The following COL5A3 variants were observed in gnomAD, a reference collection of about 807,000 sequenced individuals.
COL5A3 encodes collagen type V alpha 3 chain.
COL5A3 carries 172 observed loss-of-function variants against 250.0 expected under a neutral mutation model. The observed-to-expected ratio is 0.69, with a 90% CI of 0.61 to 0.78. The LOEUF (loss-of-function observed/expected upper bound fraction) is 0.78, where lower values mean the gene tolerates loss of function less well. Ranked by LOEUF, COL5A3 falls within the 30% of genes least tolerant of loss-of-function variation. The pLI, the probability that COL5A3 is intolerant of heterozygous loss-of-function variation, is 0.00. For missense variants in COL5A3, 2,340 were observed against 2,334.4 expected, an observed-to-expected ratio of 1.00 and a Z score of -0.05; for synonymous variants, 937 against 900.4, an observed-to-expected ratio of 1.04 and a Z score of -0.73.
rs532872544 is a variant in COL5A3, at chr19:9,968,336, C to T, written c.4314+49G>A. The T allele has an allele frequency of 1.9e-5, 28 of 1,455,536 alleles. No individual in the cohort carries two copies. Among genetic ancestry groups the T allele is most frequent in the Middle Eastern group, 1.9e-4 (1 of 5,314 alleles). 90.2% of individuals were successfully genotyped at this position (1,455,536 alleles called of 1,614,324 possible). On this transcript the variant is annotated intron_variant, in intron 59 of 66. Coordinates refer to ENST00000264828, the MANE Select transcript of COL5A3 (RefSeq NM_015719.4). The surrounding 1 kb of genome is among the most constrained non-coding windows in gnomAD (Gnocchi z 4.1). The stretch of plus-strand genomic sequence containing the variant: ...GACCCCACACCCACAGTCTCTCAAC[C>T]GACCCCCTCCTTCAAATGCATTCTT...
intron 61 of COL5A3, 85 bp from the exon 62 acceptor site, chr19:9,967,485 A>T: frequency 6.7e-6 from 6 of 890,114 alleles, no homozygotes; most frequent in Non-Finnish European, 1.0e-5. Context: ...ACACACACTC[A>T]CACACACACT....
chr19:9,967,274 G>C, intron 62 of COL5A3, 73 bp downstream of exon 62: 1 of 1,159,538 alleles, frequency 8.6e-7, no homozygotes, highest in African/African-American at 1.6e-5. Context: ...GGACCCTCTG[G>C]GGACACCCAG....
chr19:10,000,627 A>T (rs929013408), intron 8 of COL5A3, among the ~76,000 whole-genome samples: 2 of 151,608 alleles, frequency 1.3e-5, no homozygotes, highest in African/African-American at 2.4e-5. Context: ...TCCAAGTCAG[A>T]TCATGTTCCT....
intron 10 of COL5A3, 132 bp downstream of exon 10, chr19:9,997,852 C>G: frequency 1.1e-6 from 1 of 899,166 alleles, no homozygotes; most frequent in Non-Finnish European, 1.8e-6. Context: ...TTGACTCACC[C>G]TTTAAGCCTC....
At chr19:9,983,013 G>A (rs972531125) in intron 31 of COL5A3, among the ~76,000 whole-genome samples, 1 of 151,916 alleles carries the variant, frequency 6.6e-6, no homozygotes, top group African/African-American at 2.4e-5. Context: ...ACGCCACCAT[G>A]TCCAGCTAAT....
rs10406577 is a variant in COL5A3 at position 9,969,560 on chromosome 19, C to T, written c.4098+15G>A. ...CTGGATCCACCCTGTCCCACCCCTG[C>T]CCCGCTCCACTCACCACAGGGCCAG... On this transcript the variant is annotated intron_variant, in intron 56 of 66. Coordinates refer to ENST00000264828, the MANE Select transcript of COL5A3 (RefSeq NM_015719.4). The T allele has an allele frequency of 0.074, 119,243 of 1,609,128 alleles. 4,956 individuals carry two copies. The highest frequency in any genetic ancestry group is 0.15 in the African/African-American group (11,565 of 74,828).
chr19:9,968,474 C>T lies in COL5A3; in HGVS notation c.4225G>A (p.Gly1409Ser). The change falls in exon 59 of 67, where the codon GGT becomes AGT. Residue 1409 changes from glycine (G) to serine (S), a missense_variant. By Grantham distance (56) the Gly-to-Ser change is moderately conservative. Transcript: ENST00000264828. The surrounding 1 kb of genome is among the most constrained non-coding windows in gnomAD (Gnocchi z 4.1). ...KGEKGHIGLI[G>S]LIGPPGEAGE... Reference sequence around the variant, plus strand: ...GCTTCTCCCGGGGGGCCAATGAGACCGATCAATCCAATGTGGCCCTGAAGG... The same window carrying T: ...GCTTCTCCCGGGGGGCCAATGAGACTGATCAATCCAATGTGGCCCTGAAGG... 3.8e-6 allele frequency: 6 copies of T among 1,586,412 alleles called. No individual in the cohort carries two copies. The highest frequency in any genetic ancestry group is 5.1e-6 in the Non-Finnish European group (6 of 1,172,678).
In COL5A3 at chr19:10,009,865, G is replaced by A. The variant is rs947901936; in HGVS notation, c.88+433C>T. Among the ~76,000 whole-genome samples, 1 of 151,854 alleles carries A rather than the reference G, an allele frequency of 6.6e-6. No homozygotes were observed. The highest frequency in any genetic ancestry group is 2.4e-5 in the African/African-American group (1 of 41,316). On this transcript the variant is annotated intron_variant, in intron 1 of 66. Coordinates refer to ENST00000264828, the MANE Select transcript of COL5A3 (RefSeq NM_015719.4). The surrounding 1 kb of genome is among the most constrained non-coding windows in gnomAD (Gnocchi z 4.4). ...AATCACACGCATAACCACTCACACG[G>A]TTACCCTCGAAAATCAGCACATAGA...
chr19:9,968,275 A>C lies in COL5A3; in HGVS notation c.4314+110T>G, dbSNP rs1599529979. 1.0e-5 allele frequency: 11 copies of C among 1,052,722 alleles called. No homozygotes were observed. The highest frequency in any genetic ancestry group is 1.4e-5 in the South Asian group (1 of 70,874). 65.2% of individuals were successfully genotyped at this position (1,052,722 alleles called of 1,614,324 possible). On this transcript the variant is annotated intron_variant, in intron 59 of 66. Coordinates refer to ENST00000264828, the MANE Select transcript of COL5A3 (RefSeq NM_015719.4). The surrounding 1 kb of genome is among the most constrained non-coding windows in gnomAD (Gnocchi z 4.1). ...CCAGATACATCCCCCTATTTTCCCC[A>C]CACACACCCTCATTAATCCAGACCC...
rs1328217441 is a variant in COL5A3 at position 9,996,247 on chromosome 19, G to C, written c.1438C>G (p.Pro480Ala). 62 of 1,574,618 alleles carry C rather than the reference G, an allele frequency of 3.9e-5. No homozygotes were observed. The highest frequency in any genetic ancestry group is 5.2e-5 in the Non-Finnish European group (61 of 1,162,846). ...CCAGTGAGCCCCACTGGACCAGGGG[G>C]GCCTTTCATAGAGAGCTGGAAAGAC... ...LQQTQLSMKG[P>A]PGPVGLTGRP... The change falls in exon 14 of 67, where the codon CCC (proline) becomes GCC (alanine). Residue 480 changes from proline to alanine, a missense_variant. By Grantham distance (27) the Pro-to-Ala change is conservative. Transcript: ENST00000264828.
At chr19:9,973,878 TC>T (rs1229260240) in intron 48 of COL5A3, 40 bp downstream of exon 48, 2 of 1,600,910 alleles carry the variant, frequency 1.2e-6, no homozygotes, top group African/African-American at 2.7e-5. Context: ...GAAATGGTTG[TC>T]CCCATCTCTG....
intron 1 of COL5A3, among the ~76,000 whole-genome samples, chr19:10,006,537 A>G (rs1265665283): frequency 6.6e-6 from 1 of 152,060 alleles, no homozygotes; most frequent in Non-Finnish European, 1.5e-5. Flanking sequence ...CCTAAGCCCC[A>G]GAGTGGAACG....
rs369643289 is a variant in COL5A3 at position 10,004,107 on chromosome 19, C to T, written c.633G>A (p.Gln211=). The T allele has an allele frequency of 2.5e-6, 4 of 1,613,948 alleles. No homozygotes were observed. The African/African-American group carries it at 5.3e-5, about 22-fold the overall frequency. The part of the protein sequence containing the change: ...IQELLISPDP[Q]AAFQACERYL... ...ACCGCTCACAAGCCTGGAAGGCAGC[C>T]TGAGGATCTGGGCTTATCAGCAGCT... The change falls in exon 5 of 67, where the codon CAG becomes CAA. Residue 211 remains glutamine (Q), a synonymous_variant. Coordinates refer to ENST00000264828, the MANE Select transcript of COL5A3 (RefSeq NM_015719.4).
chr19:9,992,123 A>G lies in COL5A3; in HGVS notation c.1849-75T>C, dbSNP rs904837158. ...CTGAGTCTGAGACACCGAGAGATGC[A>G]GGTGGAAAGGTGAGCAGGGCCGGGC... On this transcript the variant is annotated intron_variant, in intron 21 of 66. Transcript: ENST00000264828. The G allele has an allele frequency of 6.9e-6, 9 of 1,308,886 alleles. No homozygotes were observed. In the African/African-American group the frequency reaches 1.3e-4, roughly 19 times the overall value. The allele number at this position is 1,308,886 out of a possible 1,614,324, so 81.1% of individuals were successfully genotyped here. A position where few individuals can be genotyped will look rare whatever the true frequency, so the allele number is the denominator to read the frequency against.
Position 9,968,694 on chromosome 19 carries a change from G to A in COL5A3, c.4187C>T (p.Thr1396Ile), listed in dbSNP as rs1241146996. The stretch of plus-strand genomic sequence containing the variant: ...CCTTACCTTTTCCCCCTTGGGGCCA[G>A]TGTCTCCCTTCAGCCCTGGGAGGCC... ...PSGLPGLKGDTGPKGEKGHIG... is the reference protein window; with the variant it reads ...PSGLPGLKGDIGPKGEKGHIG... Residue 1396 changes from threonine (T) to isoleucine (I), a missense_variant, in exon 58 of 67, where the codon ACT becomes ATT. Around this residue, in one of 3 missense-constraint regions of COL5A3, gnomAD observed 1,179 missense variants for 1,162.6 expected, o/e 1.01. Coordinates refer to ENST00000264828, the MANE Select transcript of COL5A3 (RefSeq NM_015719.4). This position sits in a 1 kb window ranked among gnomAD's most constrained non-coding sequence, Gnocchi z 4.1. 6.2e-7 allele frequency: 1 copy of A among 1,606,988 alleles called. No homozygotes were observed. Among genetic ancestry groups the A allele is most frequent in the Admixed American group, 1.7e-5 (1 of 57,942 alleles).
At chr19:9,983,950 A>C (rs529880722) in intron 31 of COL5A3, among the ~76,000 whole-genome samples, 2 of 152,148 alleles carry the variant, frequency 1.3e-5, no homozygotes, top group African/African-American at 4.8e-5. Context: ...AACGTAGGCA[A>C]GATAACTATC....
At position 9,968,201 on chromosome 19, in the gene COL5A3, C is replaced by A; in HGVS notation, c.4315-122G>T. The A allele has an allele frequency of 9.1e-7, 1 of 1,098,162 alleles. No individual in the cohort carries two copies. Among genetic ancestry groups the A allele is most frequent in the African/African-American group, 1.6e-5 (1 of 62,472 alleles). The allele number at this position is 1,098,162 out of a possible 1,614,324, so 68.0% of individuals were successfully genotyped here. Reference sequence around the variant, plus strand: ...GAACCCTAGACAAGCCTCCAGTTCCCCCACAGAGAGACCCCAAACCCCAGA... The same window carrying A: ...GAACCCTAGACAAGCCTCCAGTTCCACCACAGAGAGACCCCAAACCCCAGA... On this transcript the variant is annotated intron_variant, in intron 59 of 66. Coordinates refer to ENST00000264828, the MANE Select transcript of COL5A3 (RefSeq NM_015719.4). This position sits in a 1 kb window ranked among gnomAD's most constrained non-coding sequence, Gnocchi z 4.1.
chr19:9,986,013 G>C (rs8102756), intron 30 of COL5A3, 118 bp from the exon 31 acceptor site: 46,418 of 880,200 alleles, frequency 0.053, 1,541 homozygotes, highest in African/African-American at 0.084. Context: ...GGGAAACGAG[G>C]TTCAAGTCCT....
chr19:9,966,416 C>G lies in COL5A3; in HGVS notation c.4680G>C (p.Trp1560Cys). ...GCGCGCAGCCCTGGTTGGGGTCAATCCAGTATTCCCCTGCCGCAGAGCCAG... is the reference window on the plus strand; with the variant it reads ...GCGCGCAGCCCTGGTTGGGGTCAATGCAGTATTCCCCTGCCGCAGAGCCAG... ...NHPHLPDGEYWIDPNQGCARD... is the reference protein window; with the variant it reads ...NHPHLPDGEYCIDPNQGCARD... Residue 1560 changes from tryptophan to cysteine, a missense_variant, in exon 64 of 67, where the codon TGG (tryptophan) becomes TGC (cysteine). By Grantham distance (215) the Trp-to-Cys change is radical (BLOSUM62 -2). Around this residue, in one of 3 missense-constraint regions of COL5A3, gnomAD observed 1,179 missense variants for 1,162.6 expected, o/e 1.01. Transcript: ENST00000264828. The G allele has an allele frequency of 6.3e-7, 1 of 1,598,064 alleles. No individual in the cohort carries two copies. Among genetic ancestry groups the G allele is most frequent in the Non-Finnish European group, 8.5e-7 (1 of 1,169,798 alleles).
Sources: allele counts gnomAD v4.1 joint callset (sites outside exome capture counted in the v4.1 genomes callset), GRCh38; gene constraint gnomAD v4.1.1; regional missense constraint gnomAD v4.1.1; non-coding constraint Gnocchi (gnomAD v3.1); transcripts MANE v1.5; gene names NCBI Gene and HGNC (gene_info 2026-07-23, HGNC 2026-07-21).